Variants in ZNF507 observed in about 807,000 individuals in gnomAD.
ZNF507 encodes the protein zinc finger protein 507.
In ZNF507, 29 loss-of-function variants were observed where a neutral mutation model predicts 80.0. The ratio of observed to expected loss-of-function variants is 0.36; its 90% CI spans 0.27 to 0.49. ZNF507 has a LOEUF of 0.49. Among genes scored for constraint, ZNF507 ranks in the 20% least tolerant of loss-of-function variants. The pLI is 0.98. For synonymous variants in ZNF507, 462 were observed against 422.5 expected (o/e 1.09, Z -1.15); for missense variants, 1,081 against 1,152.2 (o/e 0.94, Z 0.90).
chr19:32,368,101 G>A (rs1294088587), intron 5 of ZNF507, among the ~76,000 whole-genome samples: 1 of 152,194 alleles, frequency 6.6e-6, no homozygotes, highest in African/African-American at 2.4e-5. Flanking sequence ...CTGCCTGTCT[G>A]TGCTACACCA....
chr19:32,363,439 T>C (rs964106508), intron 5 of ZNF507, among the ~76,000 whole-genome samples: 2 of 152,304 alleles, frequency 1.3e-5, no homozygotes, highest in African/African-American at 2.4e-5. Context: ...TATGCTGTCA[T>C]TCCAGTCCTT....
rs1295881259 is a variant in ZNF507 at position 32,383,171 on chromosome 19, C to T, written c.*88C>T. The T allele has an allele frequency of 6.7e-7, 1 of 1,482,730 alleles. No individual in the cohort carries two copies. Among genetic ancestry groups the T allele is most frequent in the African/African-American group, 1.4e-5 (1 of 70,718 alleles). 91.8% of individuals were successfully genotyped at this position (1,482,730 alleles called of 1,614,324 possible). On this transcript the variant is annotated 3_prime_UTR_variant, in exon 7 of 7. Transcript: ENST00000355898. ...TACGCTGTCAGACAACTTCCTGCCA[C>T]AGAAGAAGTCGTTGATGTGATTTTT...
chr19:32,366,217 T>G (rs145638310), intron 5 of ZNF507, among the ~76,000 whole-genome samples: 3 of 152,266 alleles, frequency 2.0e-5, no homozygotes, highest in Admixed American at 6.5e-5. Flanking sequence ...ATTTTTTAAA[T>G]AGATTTTATA....
In ZNF507 at chr19:32,383,142, C is replaced by G. The variant is rs886516168; in HGVS notation, c.*59C>G. 8 of 1,540,586 alleles carry G rather than the reference C, an allele frequency of 5.2e-6. No individual in the cohort carries two copies. In the Admixed American group the frequency reaches 1.6e-4, roughly 30 times the overall value. ...AGAGGATTCCTTCACCACAGTTTCA[C>G]CTTTACGCTGTCAGACAACTTCCTG... is the stretch of plus-strand genomic sequence containing the variant. On this transcript the variant is annotated 3_prime_UTR_variant, in exon 7 of 7. Transcript: ENST00000355898.
In ZNF507 at chr19:32,354,537, G is replaced by T. The variant is rs1269189947; in HGVS notation, c.1707G>T (p.Glu569Asp). 1.2e-6 allele frequency: 2 copies of T among 1,614,196 alleles called. No individual in the cohort carries two copies. The highest frequency in any genetic ancestry group is 8.5e-7 in the Non-Finnish European group (1 of 1,180,024). Residue 569 changes from glutamate to aspartate, a missense_variant, in exon 3 of 7, where the codon GAG becomes GAT. Glu to Asp is a conservative substitution (Grantham distance 45, BLOSUM62 2). This residue lies in a region of ZNF507 where 614 missense variants were observed against 583.9 expected (regional missense o/e 1.05). Transcript: ENST00000355898. ...ACTCCACCTTGGTAGCACTCCCAGA[G>T]GGTAGGCAGGAATTGTCAGATGGGC... ...QSNSTLVALPEGRQELSDGQV... is the reference protein window; with the variant it reads ...QSNSTLVALPDGRQELSDGQV...
rs542672482 is a variant in ZNF507, at chr19:32,363,008, A to G, written c.2360+2390A>G. Among the ~76,000 whole-genome samples the G allele has an allele frequency of 1.4e-4, 21 of 152,244 alleles. No homozygotes were observed. The South Asian group carries it at 3.7e-3, about 27-fold the overall frequency. ...TGGTCGCAGAGCATTACGGATTAACATGTTCTATTCCAGGATGTTTCTAGG... is the reference window on the plus strand; with the variant it reads ...TGGTCGCAGAGCATTACGGATTAACGTGTTCTATTCCAGGATGTTTCTAGG... On this transcript the variant is annotated intron_variant, in intron 5 of 6. Coordinates refer to ENST00000355898, the MANE Select transcript of ZNF507 (RefSeq NM_001136156.2).
At chr19:32,380,321 A>G (rs1967606805) in intron 5 of ZNF507, among the ~76,000 whole-genome samples, 2 of 152,052 alleles carry the variant, frequency 1.3e-5, no homozygotes, top group Non-Finnish European at 2.9e-5. Flanking sequence ...CCACCACTGC[A>G]CTCAAGCCTG....
chr19:32,377,268 A>G (rs961264468), intron 5 of ZNF507, among the ~76,000 whole-genome samples: 1 of 152,142 alleles, frequency 6.6e-6, no homozygotes, highest in Non-Finnish European at 1.5e-5. Context: ...GGCAATGGGC[A>G]TCTTCCCAGA....
At chr19:32,352,562 G>GGA (rs1402697196) in intron 2 of ZNF507, among the ~76,000 whole-genome samples, 1 of 151,474 alleles carries the variant, frequency 6.6e-6, no homozygotes, top group Non-Finnish European at 1.5e-5. Flanking sequence ...GAAGAAAAAT[G>GGA]GAGAAAAAGA....
chr19:32,356,890 A>G lies in ZNF507; in HGVS notation c.2245+157A>G, dbSNP rs2232512. 817 of 638,814 alleles carry G rather than the reference A, an allele frequency of 1.3e-3. 6 individuals are homozygous for G. The African/African-American group carries it at 0.013, about 11-fold the overall frequency. 39.6% of individuals were successfully genotyped at this position (638,814 alleles called of 1,614,324 possible). Reference sequence around the variant, plus strand: ...GAATCTGATCTCTGTTTCTGAGGAAATGCCAAGTACTGAATGAAGCAGATG... The same window carrying G: ...GAATCTGATCTCTGTTTCTGAGGAAGTGCCAAGTACTGAATGAAGCAGATG... On this transcript the variant is annotated intron_variant, in intron 4 of 6. Coordinates refer to ENST00000355898, the MANE Select transcript of ZNF507 (RefSeq NM_001136156.2).
Position 32,382,915 on chromosome 19 carries a change from T to C in ZNF507, c.2694T>C (p.Ser898=). The part of the protein sequence containing the change: ...NTSYSLEKIS[S]LAPPSMEYCV... ...CATATAGTTTAGAAAAAATCTCCAG[T>C]CTGGCCCCTCCTAGCATGGAGTACT... The change falls in exon 7 of 7, where the codon AGT becomes AGC. Residue 898 remains serine, a synonymous_variant. Transcript: ENST00000355898. 1 of 1,614,142 alleles carries C rather than the reference T, an allele frequency of 6.2e-7. No homozygotes were observed. Among genetic ancestry groups the C allele is most frequent in the Non-Finnish European group, 8.5e-7 (1 of 1,180,012 alleles).
Position 32,372,123 on chromosome 19 carries a change from A to G in ZNF507, c.2361-10344A>G, listed in dbSNP as rs75471973. Among the ~76,000 whole-genome samples the G allele has an allele frequency of 7.7e-3, 1,167 of 152,328 alleles. 16 individuals are homozygous for G. Among genetic ancestry groups the G allele is most frequent in the African/African-American group, 0.026 (1,084 of 41,568 alleles). On this transcript the variant is annotated intron_variant, in intron 5 of 6. Transcript: ENST00000355898. Reference sequence around the variant, plus strand: ...GTGTATTTTCATAGGATGGAACATTATACCCCATTGAAAATGCATAATTTT... The same window carrying G: ...GTGTATTTTCATAGGATGGAACATTGTACCCCATTGAAAATGCATAATTTT...
intron 2 of ZNF507, among the ~76,000 whole-genome samples, chr19:32,348,202 C>T (rs1050508983): frequency 2.0e-5 from 3 of 152,108 alleles, no homozygotes; most frequent in Admixed American, 6.6e-5. Context: ...AGCTTATGTC[C>T]CCTGCCTTCT....
rs1967679321 is a variant in ZNF507 at position 32,385,698 on chromosome 19, C to A, written c.*2615C>A. 6.6e-6 allele frequency: 1 copy of A among 152,088 alleles called. No individual in the cohort carries two copies. The highest frequency in any genetic ancestry group is 6.6e-5 in the Admixed American group (1 of 15,258). 9.4% of individuals were successfully genotyped at this position (152,088 alleles called of 1,614,324 possible). On this transcript the variant is annotated 3_prime_UTR_variant, in exon 7 of 7. Transcript: ENST00000355898. ...GCATAGTTGGCACGTGCCTGTAGCACCAGCTACTTGGGAGGTTAAGGTGGG... is the reference window on the plus strand; with the variant it reads ...GCATAGTTGGCACGTGCCTGTAGCAACAGCTACTTGGGAGGTTAAGGTGGG...
intron 5 of ZNF507, among the ~76,000 whole-genome samples, chr19:32,381,271 T>C (rs950282572): frequency 2.6e-4 from 39 of 152,124 alleles, no homozygotes; most frequent in African/African-American, 8.9e-4. Flanking sequence ...AAACTATTCA[T>C]ATGACGCTGG....
chr19:32,355,081 A>G (rs930830044), intron 3 of ZNF507, 124 bp downstream of exon 3: 11 of 983,680 alleles, frequency 1.1e-5, no homozygotes, highest in Admixed American at 9.3e-5. Context: ...GAAAAGTTTG[A>G]TAAGTTGCCC....
chr19:32,351,794 A>G (rs991226443), intron 2 of ZNF507, among the ~76,000 whole-genome samples: 1 of 152,184 alleles, frequency 6.6e-6, no homozygotes, highest in African/African-American at 2.4e-5. Flanking sequence ...GTTGCTGGAA[A>G]AAAGCCTAAA....
chr19:32,378,842 A>G (rs1259066876), intron 5 of ZNF507, among the ~76,000 whole-genome samples: 1 of 152,090 alleles, frequency 6.6e-6, no homozygotes, highest in African/African-American at 2.4e-5. Flanking sequence ...CAGATAAAGA[A>G]TTTTCTGGTG....
In ZNF507 at chr19:32,385,651, C is replaced by T. The variant is rs769572193; in HGVS notation, c.*2568C>T. On this transcript the variant is annotated 3_prime_UTR_variant, in exon 7 of 7. Coordinates refer to ENST00000355898, the MANE Select transcript of ZNF507 (RefSeq NM_001136156.2). ...GCAACACGGGGAGACCCTGTCTCTA[C>T]AAGAAATTAAAAATTAGCCAGGCAT... is the stretch of plus-strand genomic sequence containing the variant. The T allele has an allele frequency of 1.3e-5, 2 of 152,154 alleles. No homozygotes were observed. The highest frequency in any genetic ancestry group is 2.9e-5 in the Non-Finnish European group (2 of 68,068). The allele number at this position is 152,154 out of a possible 1,614,324, so 9.4% of individuals were successfully genotyped here.
Sources: gnomAD v4.1 joint callset for allele counts (sites outside exome capture counted in the v4.1 genomes callset) on GRCh38, gnomAD v4.1.1 for gene constraint, gnomAD v4.1.1 regional missense constraint, MANE v1.5 for transcripts, NCBI Gene and HGNC (gene_info 2026-07-23, HGNC 2026-07-21) for gene names.